The following ZBTB8A variants were observed in gnomAD, a reference collection of about 807,000 sequenced individuals.
The protein encoded by ZBTB8A is zinc finger and BTB domain containing 8A.
ZBTB8A carries 19 observed loss-of-function variants against 37.8 expected under a neutral mutation model. The ratio of observed to expected loss-of-function variants is 0.50; its 90% CI spans 0.35 to 0.74. The LOEUF (loss-of-function observed/expected upper bound fraction) is 0.74. Among genes scored for constraint, ZBTB8A ranks in the 30% least tolerant of loss-of-function variants. ZBTB8A has a pLI of 0.01. For synonymous variants in ZBTB8A, 181 were observed against 185.2 expected (o/e 0.98, Z 0.19); for missense variants, 394 against 537.8 (o/e 0.73, Z 2.65).
At chr1:32,574,473 T>C (rs1287728091) in intron 2 of ZBTB8A, among the ~76,000 whole-genome samples, 1 of 152,142 alleles carries the variant, frequency 6.6e-6, no homozygotes, top group Non-Finnish European at 1.5e-5. Context: ...GGCATGCACC[T>C]GTGGTCCTAG....
intron 1 of ZBTB8A, among the ~76,000 whole-genome samples, chr1:32,540,935 C>T (rs1015846351): frequency 6.6e-6 from 1 of 152,224 alleles, no homozygotes; most frequent in African/African-American, 2.4e-5. Flanking sequence ...TGAGTAGGGA[C>T]TCCAGGAAGG....
intron 2 of ZBTB8A, among the ~76,000 whole-genome samples, chr1:32,572,805 A>G (rs1340076805): frequency 6.6e-6 from 1 of 151,464 alleles, no homozygotes; most frequent in African/African-American, 2.4e-5. Context: ...TATTCTTTCA[A>G]TGTTTGTAAA....
At chr1:32,589,423 G>GT (rs1318603260) in intron 2 of ZBTB8A, among the ~76,000 whole-genome samples, 16 of 151,764 alleles carry the variant, frequency 1.1e-4, no homozygotes, top group Non-Finnish European at 2.4e-4. Flanking sequence ...GCTAATATTT[G>GT]TATTTTTAGT....
At chr1:32,542,324 G>T (rs544643255) in intron 1 of ZBTB8A, among the ~76,000 whole-genome samples, 78 of 148,892 alleles carry the variant, frequency 5.2e-4, no homozygotes, top group Middle Eastern at 6.8e-3. Context: ...GGAGGCCAAG[G>T]CCTCGGGGGT....
intron 2 of ZBTB8A, among the ~76,000 whole-genome samples, chr1:32,573,852 A>C (rs1644341628): frequency 6.8e-6 from 1 of 147,880 alleles, no homozygotes; most frequent in South Asian, 2.1e-4. Flanking sequence ...AGACAGGCGG[A>C]TCACCTGAGG....
chr1:32,558,191 A>G (rs940750788), intron 2 of ZBTB8A, among the ~76,000 whole-genome samples: 1 of 152,100 alleles, frequency 6.6e-6, no homozygotes, highest in African/African-American at 2.4e-5. Context: ...TAAGAAACAG[A>G]TCATCTTTTT....
chr1:32,595,527 A>G (rs1333828197), intron 4 of ZBTB8A, among the ~76,000 whole-genome samples: 1 of 150,646 alleles, frequency 6.6e-6, no homozygotes, highest in Admixed American at 6.6e-5. Flanking sequence ...TCAGCCTCCC[A>G]AAAGTGCTGG....
rs200827242 is a variant in ZBTB8A, at chr1:32,600,361, A to G, written c.1268A>G (p.Gln423Arg). The change falls in exon 5 of 5, where the codon CAA (glutamine) becomes CGA (arginine). Residue 423 changes from glutamine (Q) to arginine (R), a missense_variant. Gln to Arg is a conservative substitution (Grantham distance 43). This residue lies in a region of ZBTB8A where 85 missense variants were observed against 89.0 expected (regional missense o/e 0.95). Transcript: ENST00000373510. ...GATGGGTCTGCTGATCTGGTCATCC[A>G]ACAGGTTGATGATAGTGAAGAAGAA... ...VEDGSADLVI[Q>R]QVDDSEEEEE... The G allele has an allele frequency of 3.2e-4, 519 of 1,614,160 alleles. 4 individuals carry two copies. The highest frequency in any genetic ancestry group is 2.5e-5 in the Non-Finnish European group (30 of 1,180,030).
Position 32,581,402 on chromosome 1 carries a change from A to C in ZBTB8A, c.-1-11529A>C, listed in dbSNP as rs112722750. The stretch of plus-strand genomic sequence containing the variant: ...GTTTCCCTCTTGTTGCCCAGGCTGG[A>C]GTGCAATGGCAAGACCTTGGCTCAC... On this transcript the variant is annotated intron_variant, in intron 2 of 4. Transcript: ENST00000373510. Among the ~76,000 whole-genome samples, 421 of 145,970 alleles carry C rather than the reference A, an allele frequency of 2.9e-3. 2 individuals carry two copies. Among genetic ancestry groups the C allele is most frequent in the African/African-American group, 0.01 (400 of 39,316 alleles).
chr1:32,583,491 C>G (rs1273296403), intron 2 of ZBTB8A, among the ~76,000 whole-genome samples: 1 of 151,516 alleles, frequency 6.6e-6, no homozygotes, highest in East Asian at 1.9e-4. Flanking sequence ...TTAGATTATT[C>G]CAGTAATACA....
In ZBTB8A at chr1:32,593,574, T is replaced by C. The variant is rs143810953; in HGVS notation, c.643T>C (p.Leu215=). The C allele has an allele frequency of 3.5e-5, 56 of 1,614,222 alleles. No homozygotes were observed. The African/African-American group carries it at 4.1e-4, about 12-fold the overall frequency. The change falls in exon 3 of 5, where the codon TTG becomes CTG. Residue 215 remains leucine, a synonymous_variant. Transcript: ENST00000373510. ...ESIKKTKHLR[L]SQPSEVTHYK... ...CATTAAAAAGACCAAACATTTGAGA[T>C]TGTCACAGCCTTCTGAAGTTACTCA...
In ZBTB8A at chr1:32,600,081, A is replaced by C; in HGVS notation, c.994-6A>C. 1 of 1,608,198 alleles carries C rather than the reference A, an allele frequency of 6.2e-7. No individual in the cohort carries two copies. Among genetic ancestry groups the C allele is most frequent in the East Asian group, 2.2e-5 (1 of 44,786 alleles). Reference sequence around the variant, plus strand: ...CACTTTTATCACTATTTAAATCTCTACACAGATTCACCAGGCATGTAAACT... The same window carrying C: ...CACTTTTATCACTATTTAAATCTCTCCACAGATTCACCAGGCATGTAAACT... On this transcript the variant is annotated splice_region_variant and splice_polypyrimidine_tract_variant and intron_variant, in intron 4 of 4. Coordinates refer to ENST00000373510, the MANE Select transcript of ZBTB8A (RefSeq NM_001040441.3).
At chr1:32,552,915 C>CATT (rs10639529) in intron 1 of ZBTB8A, among the ~76,000 whole-genome samples, 16,844 of 147,698 alleles carry the variant, frequency 0.11, 1,035 homozygotes, top group African/African-American at 0.18. Context: ...TATTTTAAAT[C>CATT]ATATATTACA....
intron 1 of ZBTB8A, among the ~76,000 whole-genome samples, chr1:32,541,676 C>T (rs931900259): frequency 2.0e-5 from 3 of 152,086 alleles, no homozygotes; most frequent in South Asian, 2.1e-4. Flanking sequence ...AAGATGGCAC[C>T]GTGTTGCTGC....
In ZBTB8A at chr1:32,605,703, T is replaced by TAAAAAAAAAAAA. The variant is rs1644612390; in HGVS notation, c.*5284_*5285insAAAAAAAAAAAA. ...CTGGGTGACAGAGCGAGACTCCACC[T>TAAAAAAAAAAAA]CAAAAAAAAAAAAAAAAAAAAAAAA... On this transcript the variant is annotated 3_prime_UTR_variant, in exon 5 of 5. Coordinates refer to ENST00000373510, the MANE Select transcript of ZBTB8A (RefSeq NM_001040441.3). 2.9e-5 allele frequency: 1 copy of TAAAAAAAAAAAA among 34,172 alleles called. No individual in the cohort carries two copies. The highest frequency in any genetic ancestry group is 2.6e-4 in the African/African-American group (1 of 3,800). 2.1% of individuals were successfully genotyped at this position (34,172 alleles called of 1,614,324 possible).
chr1:32,539,870 G>C (rs912799573), intron 1 of ZBTB8A, among the ~76,000 whole-genome samples: 54 of 139,076 alleles, frequency 3.9e-4, no homozygotes, highest in Admixed American at 3.8e-3. Flanking sequence ...GAAGGCGGCG[G>C]GGACGGCGCC....
At chr1:32,581,952 G>A (rs757068885) in intron 2 of ZBTB8A, among the ~76,000 whole-genome samples, 56 of 152,204 alleles carry the variant, frequency 3.7e-4, no homozygotes, top group Non-Finnish European at 6.0e-4. Flanking sequence ...CTATCATTCA[G>A]TTACCTCCAC....
chr1:32,591,393 A>C (rs745985750), intron 2 of ZBTB8A, among the ~76,000 whole-genome samples: 3 of 150,910 alleles, frequency 2.0e-5, no homozygotes, highest in Admixed American at 6.6e-5. Flanking sequence ...ATATATATAT[A>C]TATTTTGTAG....
At chr1:32,540,088 T>TA (rs1304200091) in intron 1 of ZBTB8A, among the ~76,000 whole-genome samples, 1 of 151,882 alleles carries the variant, frequency 6.6e-6, no homozygotes, top group Non-Finnish European at 1.5e-5. Flanking sequence ...ATCCTTGGTT[T>TA]TATGTCAAGA....
Sources: allele counts gnomAD v4.1 joint callset (sites outside exome capture counted in the v4.1 genomes callset), GRCh38; gene constraint gnomAD v4.1.1; regional missense constraint gnomAD v4.1.1; transcripts MANE v1.5; gene names NCBI Gene and HGNC (gene_info 2026-07-23, HGNC 2026-07-21).